ANP32B: variants seen among roughly 807,000 people sequenced by gnomAD.
The protein encoded by ANP32B is acidic nuclear phosphoprotein 32 family member B.
ANP32B carries 6 observed loss-of-function variants against 32.2 expected under a neutral mutation model. That is an observed-to-expected ratio of 0.19 (90% CI 0.10 to 0.37). ANP32B has a LOEUF of 0.37. Among genes scored for constraint, ANP32B ranks in the 10% least tolerant of loss-of-function variants. The pLI is 1.00. For missense variants in ANP32B, 204 were observed against 289.2 expected (o/e 0.71, Z 2.14); for synonymous variants, 98 against 105.8 (o/e 0.93, Z 0.45).
At chr9:97,986,749 G>A (rs1331857362) in intron 1 of ANP32B, 1 of 152,232 alleles carries the variant, frequency 6.6e-6, no homozygotes, top group Admixed American at 6.5e-5. Flanking sequence ...CAGACTTGTC[G>A]TGTGGGGTAA....
chr9:98,001,157 T>C (rs929183165), intron 3 of ANP32B, among the ~76,000 whole-genome samples: 1 of 150,928 alleles, frequency 6.6e-6, no homozygotes, highest in Non-Finnish European at 1.5e-5. Context: ...TAAGAAACCC[T>C]TCTCCCCGCC....
In ANP32B at chr9:98,011,398, A is replaced by G; in HGVS notation, c.636+9A>G. The G allele has an allele frequency of 6.3e-7, 1 of 1,589,202 alleles. No homozygotes were observed. Among genetic ancestry groups the G allele is most frequent in the Non-Finnish European group, 8.6e-7 (1 of 1,165,050 alleles). On this transcript the variant is annotated intron_variant, in intron 5 of 6. Transcript: ENST00000339399. ...ATGAAGTCAGTGAGGAGGTCAGTGC[A>G]GCTGTTTTCTACCCTGCTTCCTATT...
chr9:98,007,471 C>CA (rs1268645099), intron 4 of ANP32B, among the ~76,000 whole-genome samples: 1 of 152,194 alleles, frequency 6.6e-6, no homozygotes, highest in Non-Finnish European at 1.5e-5. Context: ...AACATGGCAA[C>CA]AATGCTTGTT....
At chr9:98,012,311 A>C in intron 5 of ANP32B, 110 bp from the exon 6 acceptor site, 1 of 1,242,654 alleles carries the variant, frequency 8.0e-7, no homozygotes, top group South Asian at 1.5e-5. Context: ...TTCCTGCTTG[A>C]TTGATATTGT....
intron 1 of ANP32B, chr9:97,986,964 T>C (rs1827746999): frequency 6.6e-6 from 1 of 152,214 alleles, no homozygotes; most frequent in Non-Finnish European, 1.5e-5. Context: ...GTATATGGCT[T>C]TTTTTTAATT....
rs545752620 is a variant in ANP32B, at chr9:97,983,491, G to A, written c.-65G>A. The A allele has an allele frequency of 1.1e-5, 16 of 1,419,462 alleles. No homozygotes were observed. The South Asian group carries it at 2.0e-4, about 18-fold the overall frequency. 87.9% of individuals were successfully genotyped at this position (1,419,462 alleles called of 1,614,324 possible). A position where few individuals can be genotyped will look rare whatever the true frequency, so the allele number is the denominator to read the frequency against. On this transcript the variant is annotated 5_prime_UTR_variant, in exon 1 of 7. Coordinates refer to ENST00000339399, the MANE Select transcript of ANP32B (RefSeq NM_006401.3). ...CGACGGCCCTCGCTGCGCAAGCCGG[G>A]ACGCCTCTCCCCCCTCCGCCCCCGC...
intron 4 of ANP32B, among the ~76,000 whole-genome samples, chr9:98,007,521 T>C (rs956980630): frequency 6.6e-6 from 1 of 152,236 alleles, no homozygotes; most frequent in African/African-American, 2.4e-5. Flanking sequence ...CATGAGACTA[T>C]GTTATGTGTA....
At chr9:98,009,491 G>A (rs1828143596) in intron 4 of ANP32B, among the ~76,000 whole-genome samples, 1 of 152,242 alleles carries the variant, frequency 6.6e-6, no homozygotes, top group Non-Finnish European at 1.5e-5. Flanking sequence ...ATGGTTTTGG[G>A]ATGAAACGGT....
At chr9:97,997,767 A>G (rs1390818286) in intron 2 of ANP32B, among the ~76,000 whole-genome samples, 1 of 152,242 alleles carries the variant, frequency 6.6e-6, no homozygotes, top group African/African-American at 2.4e-5. Context: ...TTGTTTGCAA[A>G]AGGAAGAGCT....
chr9:98,015,475 G>A lies in ANP32B; in HGVS notation c.*44G>A, dbSNP rs1180148484. The A allele has an allele frequency of 5.2e-6, 8 of 1,538,726 alleles. No individual in the cohort carries two copies. The highest frequency in any genetic ancestry group is 7.0e-6 in the Non-Finnish European group (8 of 1,142,128). On this transcript the variant is annotated 3_prime_UTR_variant, in exon 7 of 7. Coordinates refer to ENST00000339399, the MANE Select transcript of ANP32B (RefSeq NM_006401.3). ...GAAACAGAACTGTTCAGTATTGGTTGGACTGCTCATGGATTTTGTAGCTGT... is the reference window on the plus strand; with the variant it reads ...GAAACAGAACTGTTCAGTATTGGTTAGACTGCTCATGGATTTTGTAGCTGT...
At chr9:98,012,658 A>G (rs1394012624) in intron 6 of ANP32B, among the ~76,000 whole-genome samples, 186 bp downstream of exon 6, 2 of 152,212 alleles carry the variant, frequency 1.3e-5, no homozygotes, top group Non-Finnish European at 2.9e-5. Flanking sequence ...CTGCTGCTAC[A>G]GCAGTTATTC....
chr9:98,007,545 C>T (rs1173687293), intron 4 of ANP32B, among the ~76,000 whole-genome samples: 1 of 152,240 alleles, frequency 6.6e-6, no homozygotes, highest in Admixed American at 6.5e-5. Context: ...CGTTGCCAAC[C>T]AGCACCACAG....
intron 1 of ANP32B, chr9:97,987,439 T>C (rs1392334908): frequency 6.6e-6 from 1 of 152,232 alleles, no homozygotes; most frequent in Non-Finnish European, 1.5e-5. Flanking sequence ...GGAGGTCTTG[T>C]CAGTAAAATG....
chr9:98,004,845 G>C (rs1828051289), intron 3 of ANP32B, 119 bp from the exon 4 acceptor site: 3 of 709,782 alleles, frequency 4.2e-6, no homozygotes, highest in Non-Finnish European at 6.8e-6. Flanking sequence ...TTCTATATAT[G>C]AGGCTGAGTG....
intron 5 of ANP32B, among the ~76,000 whole-genome samples, chr9:98,011,796 G>C (rs73492711): frequency 0.061 from 9,258 of 152,220 alleles, 901 homozygotes; most frequent in African/African-American, 0.21. Context: ...TATCTGCTAT[G>C]TTAAAGAGTT....
intron 4 of ANP32B, among the ~76,000 whole-genome samples, chr9:98,006,841 A>T (rs1215750737): frequency 6.6e-6 from 1 of 152,044 alleles, no homozygotes; most frequent in Non-Finnish European, 1.5e-5. Flanking sequence ...TACAAAAATT[A>T]ACCAGGCATG....
intron 2 of ANP32B, among the ~76,000 whole-genome samples, chr9:97,996,023 T>C (rs1040132669): frequency 1.3e-5 from 2 of 152,098 alleles, no homozygotes; most frequent in Non-Finnish European, 1.5e-5. Flanking sequence ...TTAGGTAATA[T>C]TAAATGCTCA....
intron 1 of ANP32B, among the ~76,000 whole-genome samples, chr9:97,986,131 T>C (rs2131579385): frequency 6.6e-6 from 1 of 152,216 alleles, no homozygotes; most frequent in East Asian, 1.9e-4. Flanking sequence ...ACCAGTTCAT[T>C]TTTCAAGTAA....
intron 1 of ANP32B, among the ~76,000 whole-genome samples, chr9:97,989,944 A>G (rs138704455): frequency 2.7e-4 from 41 of 152,364 alleles, no homozygotes; most frequent in African/African-American, 9.9e-4. Flanking sequence ...GAGGGCTGAC[A>G]TAAATTCTCC....
Sources: allele counts gnomAD v4.1 joint callset (sites outside exome capture counted in the v4.1 genomes callset), GRCh38; gene constraint gnomAD v4.1.1; transcripts MANE v1.5; gene names NCBI Gene and HGNC (gene_info 2026-07-23, HGNC 2026-07-21).